The following SNX29 variants were observed in gnomAD, a reference collection of about 807,000 sequenced individuals.
SNX29 encodes the protein sorting nexin 29.
A neutral mutation model predicts 102.1 loss-of-function variants in SNX29; 78 were observed. That is an observed-to-expected ratio of 0.76 (90% CI 0.64 to 0.92). The LOEUF is 0.92. Ranked by LOEUF, SNX29 falls within the 40% of genes least tolerant of loss-of-function variation. SNX29 has a pLI of 0.00. For missense variants in SNX29, 1,280 were observed against 1,061.7 expected (o/e 1.21, Z -2.86); for synonymous variants, 580 against 414.5 (o/e 1.40, Z -4.85).
At chr16:11,998,357 C>T (rs2056165548) in intron 1 of SNX29, among the ~76,000 whole-genome samples, 1 of 152,190 alleles carries the variant, frequency 6.6e-6, no homozygotes, top group Non-Finnish European at 1.5e-5. Context: ...CTGGTGCTTT[C>T]AAGTGCTCTT....
chr16:11,990,150 C>G (rs546946346), intron 1 of SNX29, among the ~76,000 whole-genome samples: 1 of 152,180 alleles, frequency 6.6e-6, no homozygotes, highest in African/African-American at 2.4e-5. Context: ...CTCAGTATGG[C>G]GGATTGGTGG....
At chr16:12,489,625 C>T (rs1264196038) in intron 19 of SNX29, among the ~76,000 whole-genome samples, 3 of 152,326 alleles carry the variant, frequency 2.0e-5, no homozygotes, top group East Asian at 3.9e-4. Context: ...TCCCATGGTG[C>T]GGTGTGTCCT....
chr16:11,992,268 T>C (rs969433887), intron 1 of SNX29, among the ~76,000 whole-genome samples: 5 of 152,084 alleles, frequency 3.3e-5, no homozygotes, highest in African/African-American at 1.2e-4. Flanking sequence ...TACTTCAGCC[T>C]GGTTGACAGA....
chr16:12,056,215 G>A (rs1567165699), intron 8 of SNX29, among the ~76,000 whole-genome samples: 1 of 152,212 alleles, frequency 6.6e-6, no homozygotes, highest in Non-Finnish European at 1.5e-5. Context: ...GGCCTTTGAG[G>A]AGATGCTGCT....
chr16:12,224,698 CT>C (rs1314952566), intron 14 of SNX29, among the ~76,000 whole-genome samples: 1 of 152,226 alleles, frequency 6.6e-6, no homozygotes, highest in Non-Finnish European at 1.5e-5. Context: ...ACCGGTGGAT[CT>C]TTGTCTAGGC....
intron 15 of SNX29, among the ~76,000 whole-genome samples, chr16:12,353,079 C>G (rs1420744677): frequency 1.3e-5 from 2 of 152,150 alleles, no homozygotes; most frequent in African/African-American, 4.8e-5. Flanking sequence ...TGGGCCTTCC[C>G]TGACACCCTG....
intron 15 of SNX29, among the ~76,000 whole-genome samples, chr16:12,285,424 G>C (rs1476218064): frequency 6.6e-6 from 1 of 152,226 alleles, no homozygotes; most frequent in Non-Finnish European, 1.5e-5. Context: ...TTTACTGTCT[G>C]AGTGTGGTTA....
chr16:12,207,010 T>C (rs1441796099), intron 14 of SNX29, among the ~76,000 whole-genome samples: 1 of 152,038 alleles, frequency 6.6e-6, no homozygotes, highest in East Asian at 1.9e-4. Flanking sequence ...AAGGTGCACT[T>C]TTCTTCTTGA....
At chr16:12,067,778 G>A (rs898181887) in intron 9 of SNX29, among the ~76,000 whole-genome samples, 2 of 152,170 alleles carry the variant, frequency 1.3e-5, no homozygotes, top group Admixed American at 1.3e-4. Context: ...GTGAGCCACC[G>A]CGCCTGGCCC....
At chr16:12,077,156 G>C (rs908489372) in intron 10 of SNX29, among the ~76,000 whole-genome samples, 1 of 152,106 alleles carries the variant, frequency 6.6e-6, no homozygotes, top group Non-Finnish European at 1.5e-5. Flanking sequence ...GTGCATGCCT[G>C]TAGTGTCAGC....
chr16:12,568,243 G>C (rs763277888), intron 20 of SNX29, among the ~76,000 whole-genome samples: 1 of 150,414 alleles, frequency 6.6e-6, no homozygotes, highest in Non-Finnish European at 1.5e-5. Flanking sequence ...AGACCGGAAC[G>C]GTGGTACCAT....
chr16:12,267,757 C>T (rs1467473628), intron 14 of SNX29, among the ~76,000 whole-genome samples: 2 of 152,188 alleles, frequency 1.3e-5, no homozygotes, highest in African/African-American at 4.8e-5. Context: ...GCTGTTTACT[C>T]CCTGGCTTCT....
intron 14 of SNX29, among the ~76,000 whole-genome samples, chr16:12,205,554 G>T (rs1391860807): frequency 6.6e-6 from 1 of 151,766 alleles, no homozygotes; most frequent in Non-Finnish European, 1.5e-5. Flanking sequence ...TGCCAGGCTG[G>T]CTCCTGCCTC....
chr16:12,092,976 G>C (rs2052620487), intron 11 of SNX29, among the ~76,000 whole-genome samples: 1 of 152,228 alleles, frequency 6.6e-6, no homozygotes, highest in South Asian at 2.1e-4. Flanking sequence ...GCCGATGTGG[G>C]AAGAGGGCTG....
chr16:11,980,663 C>T (rs2055394540), intron 1 of SNX29, among the ~76,000 whole-genome samples: 1 of 152,070 alleles, frequency 6.6e-6, no homozygotes, highest in African/African-American at 2.4e-5. Context: ...CCACACCTTC[C>T]CCAAGAGTCT....
chr16:12,424,122 A>C (rs745731169), intron 18 of SNX29, among the ~76,000 whole-genome samples: 8 of 152,216 alleles, frequency 5.3e-5, no homozygotes, highest in Non-Finnish European at 1.0e-4. Flanking sequence ...TTTTAAGAGG[A>C]TGACTTTGTA....
At chr16:12,548,895 C>T (rs1200106393) in intron 20 of SNX29, among the ~76,000 whole-genome samples, 1 of 152,218 alleles carries the variant, frequency 6.6e-6, no homozygotes, top group Admixed American at 6.5e-5. Flanking sequence ...CACATAGCAG[C>T]ACTCACTCGG....
intron 19 of SNX29, among the ~76,000 whole-genome samples, chr16:12,516,449 C>T (rs981489077): frequency 7.6e-4 from 106 of 138,884 alleles, no homozygotes; most frequent in African/African-American, 2.8e-3. Context: ...CACTGCACTT[C>T]AGTCTTGGCA....
intron 18 of SNX29, among the ~76,000 whole-genome samples, chr16:12,429,016 C>G (rs572196676): frequency 6.6e-6 from 1 of 152,170 alleles, no homozygotes; most frequent in African/African-American, 2.4e-5. Flanking sequence ...CACATAGATA[C>G]GATTGCAATT....
Sources: gnomAD v4.1 joint callset for allele counts (sites outside exome capture counted in the v4.1 genomes callset) on GRCh38, gnomAD v4.1.1 for gene constraint, MANE v1.5 for transcripts, NCBI Gene and HGNC (gene_info 2026-07-23, HGNC 2026-07-21) for gene names.